PHF20: variants seen among roughly 807,000 people sequenced by gnomAD.
The protein encoded by PHF20 is PHD finger protein 20, also known as glioma-expressed antigen 2.
A neutral mutation model predicts 113.5 loss-of-function variants in PHF20; 23 were observed. The ratio of observed to expected loss-of-function variants is 0.20; its 90% CI spans 0.15 to 0.29. The LOEUF (loss-of-function observed/expected upper bound fraction) is 0.29. Among genes scored for constraint, PHF20 ranks in the 10% least tolerant of loss-of-function variants. The pLI, the probability that PHF20 is intolerant of heterozygous loss-of-function variation, is 1.00. For synonymous variants in PHF20, 434 were observed against 457.3 expected (o/e 0.95, Z 0.65); for missense variants, 943 against 1,219.6 (o/e 0.77, Z 3.38).
Position 35,947,785 on chromosome 20 carries a change from C to T in PHF20, c.*158C>T. 1 of 726,724 alleles carries T rather than the reference C, an allele frequency of 1.4e-6. No homozygotes were observed. Among genetic ancestry groups the T allele is most frequent in the South Asian group, 2.0e-5 (1 of 51,068 alleles). 45.0% of individuals were successfully genotyped at this position (726,724 alleles called of 1,614,324 possible). On this transcript the variant is annotated 3_prime_UTR_variant, in exon 18 of 18. Coordinates refer to ENST00000374012, the MANE Select transcript of PHF20 (RefSeq NM_016436.5). ...TGTGGTGGACATTGGACAAAGAGGC[C>T]ATTTTGGCTGCGGGAGGACACTCTG...
chr20:35,916,132 A>T (rs1183135571), intron 12 of PHF20, among the ~76,000 whole-genome samples: 1 of 152,250 alleles, frequency 6.6e-6, no homozygotes, highest in Non-Finnish European at 1.5e-5. Flanking sequence ...ACCCTGTCTC[A>T]AAAATAAGTA....
chr20:35,870,522 T>TA (rs1261672153), intron 7 of PHF20, among the ~76,000 whole-genome samples: 1 of 151,734 alleles, frequency 6.6e-6, no homozygotes, highest in Non-Finnish European at 1.5e-5. Context: ...TTTATTGATT[T>TA]AAAAAAATAC....
intron 9 of PHF20, among the ~76,000 whole-genome samples, chr20:35,890,419 G>A (rs559990478): frequency 6.6e-6 from 1 of 152,266 alleles, no homozygotes; most frequent in East Asian, 1.9e-4. Flanking sequence ...TTCATTGTTT[G>A]ATTAATAAAG....
chr20:35,891,002 A>G (rs1278435675), intron 9 of PHF20, among the ~76,000 whole-genome samples: 1 of 152,236 alleles, frequency 6.6e-6, no homozygotes, highest in East Asian at 1.9e-4. Flanking sequence ...CCCATTTAAC[A>G]ATGAGGAAAC....
chr20:35,822,102 A>C (rs2042178448), intron 2 of PHF20, among the ~76,000 whole-genome samples: 1 of 152,196 alleles, frequency 6.6e-6, no homozygotes, highest in Non-Finnish European at 1.5e-5. Flanking sequence ...CCTGGGTTAG[A>C]GATAGACATC....
chr20:35,855,347 T>G (rs557742487), intron 4 of PHF20: 2 of 789,378 alleles, frequency 2.5e-6, no homozygotes, highest in East Asian at 1.2e-4. Flanking sequence ...TTTATGCTCT[T>G]ATCCTTTTAT....
intron 2 of PHF20, among the ~76,000 whole-genome samples, chr20:35,815,852 T>C (rs1276433019): frequency 2.0e-5 from 3 of 152,196 alleles, no homozygotes; most frequent in African/African-American, 7.2e-5. Flanking sequence ...AAGATTGCAG[T>C]TGAGACTCTG....
intron 17 of PHF20, among the ~76,000 whole-genome samples, chr20:35,946,269 G>T (rs1248688286): frequency 2.6e-5 from 4 of 151,498 alleles, no homozygotes; most frequent in African/African-American, 9.7e-5. Flanking sequence ...AGGAGTTTGA[G>T]ACCAAAATAC....
At chr20:35,877,106 C>CAAAA (rs760494622) in intron 9 of PHF20, among the ~76,000 whole-genome samples, 1 of 32,364 alleles carries the variant, frequency 3.1e-5, no homozygotes, top group Non-Finnish European at 6.4e-5. Context: ...GACTCTGTCT[C>CAAAA]AAAAAAAAAA....
intron 8 of PHF20, 150 bp downstream of exon 8, chr20:35,871,284 T>C: frequency 1.4e-6 from 1 of 698,022 alleles, no homozygotes; most frequent in South Asian, 1.8e-5. Flanking sequence ...AATGTATTGC[T>C]CTTCACTGAT....
At position 35,912,269 on chromosome 20, in the gene PHF20, C is replaced by T. The variant is rs561740278; in HGVS notation, c.1562-980C>T. 2.0e-5 allele frequency among the ~76,000 whole-genome samples: 3 copies of T among 152,208 alleles called. No individual in the cohort carries two copies. The South Asian group carries it at 6.2e-4, about 32-fold the overall frequency. ...CTGGGATTACAGGCGTGAGCCACCG[C>T]ACCCAGCAATGACTGGATTTTTCAA... On this transcript the variant is annotated intron_variant, in intron 10 of 17. Transcript: ENST00000374012.
At chr20:35,830,862 T>C (rs1376177373) in intron 2 of PHF20, among the ~76,000 whole-genome samples, 1 of 152,000 alleles carries the variant, frequency 6.6e-6, no homozygotes, top group Non-Finnish European at 1.5e-5. Flanking sequence ...ATCCATTAGC[T>C]CTTCTTCCTG....
intron 1 of PHF20, among the ~76,000 whole-genome samples, chr20:35,790,101 C>T (rs1029345114): frequency 6.6e-6 from 1 of 151,970 alleles, no homozygotes. Context: ...AGGTGATCCG[C>T]CCGCCTCTGC....
At chr20:35,854,040 C>T (rs1051339592) in intron 4 of PHF20, among the ~76,000 whole-genome samples, 2 of 152,152 alleles carry the variant, frequency 1.3e-5, no homozygotes, top group Non-Finnish European at 2.9e-5. Flanking sequence ...AGGCGTGAGC[C>T]ACCATGCCCG....
At position 35,871,147 on chromosome 20, in the gene PHF20, G is replaced by A. The variant is rs963394350; in HGVS notation, c.1102+13G>A. The stretch of plus-strand genomic sequence containing the variant: ...GAATCTGAAGAAGGTGAGTCAGTCT[G>A]TTCAGGAATTGTCTTGCCAACCTGG... On this transcript the variant is annotated intron_variant, in intron 8 of 17. Transcript: ENST00000374012. 6.3e-7 allele frequency: 1 copy of A among 1,596,940 alleles called. No homozygotes were observed. The highest frequency in any genetic ancestry group is 8.5e-7 in the Non-Finnish European group (1 of 1,174,798).
intron 1 of PHF20, among the ~76,000 whole-genome samples, chr20:35,777,304 G>A (rs186297565): frequency 1.6e-3 from 251 of 152,222 alleles, no homozygotes; most frequent in African/African-American, 5.9e-3. Context: ...GAATTAGCAG[G>A]GCAGGTGGCA....
intron 1 of PHF20, among the ~76,000 whole-genome samples, chr20:35,792,401 C>A (rs773836575): frequency 6.6e-6 from 1 of 151,864 alleles, no homozygotes; most frequent in Admixed American, 6.6e-5. Flanking sequence ...GTTGGCCAGG[C>A]TGGTCTCAAA....
At chr20:35,800,750 A>G (rs1468207308) in intron 1 of PHF20, among the ~76,000 whole-genome samples, 1 of 152,188 alleles carries the variant, frequency 6.6e-6, no homozygotes, top group Non-Finnish European at 1.5e-5. Context: ...AGCCTGGGTA[A>G]AAGAGTATGA....
At chr20:35,778,693 C>A (rs1040862512) in intron 1 of PHF20, among the ~76,000 whole-genome samples, 4 of 149,658 alleles carry the variant, frequency 2.7e-5, no homozygotes, top group Non-Finnish European at 4.4e-5. Flanking sequence ...GCAGAGGTTG[C>A]AGTGAGCCGA....
Sources: allele counts gnomAD v4.1 joint callset (sites outside exome capture counted in the v4.1 genomes callset), GRCh38; gene constraint gnomAD v4.1.1; transcripts MANE v1.5; gene names NCBI Gene and HGNC (gene_info 2026-07-23, HGNC 2026-07-21).